RLF: variants seen among roughly 807,000 people sequenced by gnomAD.
RLF encodes the protein RLF zinc finger.
RLF carries 7 observed loss-of-function variants against 162.9 expected under a neutral mutation model. The ratio of observed to expected loss-of-function variants is 0.04; its 90% CI spans 0.02 to 0.08. The LOEUF (loss-of-function observed/expected upper bound fraction) is 0.08. RLF is among the 10% of genes least tolerant of loss of function. RLF has a pLI of 1.00. For missense variants in RLF, 1,664 were observed against 2,244.7 expected, an observed-to-expected ratio of 0.74 and a Z score of 5.23; for synonymous variants, 782 against 791.5, an observed-to-expected ratio of 0.99 and a Z score of 0.20.
chr1:40,223,671 TTC>T (rs1286984582), intron 6 of RLF, among the ~76,000 whole-genome samples: 1 of 152,244 alleles, frequency 6.6e-6, no homozygotes, highest in African/African-American at 2.4e-5. Flanking sequence ...GTTACTATAT[TTC>T]TTTTTGTTTA....
intron 6 of RLF, 130 bp downstream of exon 6, chr1:40,222,840 A>G: frequency 1.5e-6 from 1 of 671,484 alleles, no homozygotes; most frequent in Non-Finnish European, 2.4e-6. Context: ...GCTTCCACAC[A>G]CAATCATTTA....
At chr1:40,195,123 C>G (rs1343289957) in intron 3 of RLF, among the ~76,000 whole-genome samples, 1 of 151,788 alleles carries the variant, frequency 6.6e-6, no homozygotes, top group East Asian at 2.0e-4. Context: ...GCATGAGCCA[C>G]TGTGCCTGGC....
Position 40,238,769 on chromosome 1 carries a change from T to C in RLF, c.4067T>C (p.Val1356Ala), listed in dbSNP as rs780156028. 2 of 1,612,956 alleles carry C rather than the reference T, an allele frequency of 1.2e-6. No homozygotes were observed. The highest frequency in any genetic ancestry group is 1.7e-5 in the Admixed American group (1 of 59,736). The change falls in exon 8 of 8, where the codon GTC becomes GCC. Residue 1356 changes from valine (V) to alanine (A), a missense_variant. Val to Ala is a moderately conservative substitution (Grantham distance 64). This residue lies in a region of RLF where 200 missense variants were observed against 207.3 expected (regional missense o/e 0.96). Transcript: ENST00000372771. This position sits in a 1 kb window ranked among gnomAD's most constrained non-coding sequence, Gnocchi z 5.2. Reference sequence around the variant, plus strand: ...AAAGCAAGAACCAAAAGGGAACTTGTCAAATGTAAAAAGATATTTGCTTGC... The same window carrying C: ...AAAGCAAGAACCAAAAGGGAACTTGCCAAATGTAAAAAGATATTTGCTTGC... ...KDKARTKRELVKCKKIFACKY... is the reference protein window; with the variant it reads ...KDKARTKRELAKCKKIFACKY...
intron 4 of RLF, among the ~76,000 whole-genome samples, chr1:40,198,598 G>A (rs1193567452): frequency 6.6e-6 from 1 of 152,158 alleles, no homozygotes; most frequent in Non-Finnish European, 1.5e-5. Flanking sequence ...ACTGTGCCCG[G>A]CAGAGCTGTT....
intron 6 of RLF, 36 bp downstream of exon 6, chr1:40,222,746 G>C: frequency 6.4e-7 from 1 of 1,570,856 alleles, no homozygotes; most frequent in Non-Finnish European, 8.7e-7. Context: ...TTATTTGTTA[G>C]TACATAGTAT....
At chr1:40,168,040 A>C (rs1642189913) in intron 1 of RLF, among the ~76,000 whole-genome samples, 1 of 148,256 alleles carries the variant, frequency 6.7e-6, no homozygotes. Flanking sequence ...GGGCAACTCT[A>C]CAAAAAAAAA....
chr1:40,178,454 G>A (rs1337972663), intron 1 of RLF, among the ~76,000 whole-genome samples: 2 of 152,106 alleles, frequency 1.3e-5, no homozygotes, highest in African/African-American at 4.8e-5. Context: ...TTTGTAAGAT[G>A]ACAGGAGTTC....
chr1:40,237,532 A>G lies in RLF; in HGVS notation c.2830A>G (p.Ser944Gly), dbSNP rs200840245. ...GPSSLKEKCS[S>G]MAVCFDGTKF... ...CTCCAGTTTAAAAGAAAAATGTTCC[A>G]GTATGGCAGTTTGTTTTGACGGGAC... The change falls in exon 8 of 8, where the codon AGT (serine) becomes GGT (glycine). Residue 944 changes from serine (S) to glycine (G), a missense_variant. By Grantham distance (56) the Ser-to-Gly change is moderately conservative. Transcript: ENST00000372771. This position sits in a 1 kb window ranked among gnomAD's most constrained non-coding sequence, Gnocchi z 4.4. 8 of 1,614,176 alleles carry G rather than the reference A, an allele frequency of 5.0e-6. No homozygotes were observed. The East Asian group carries it at 1.8e-4, about 36-fold the overall frequency.
In RLF at chr1:40,236,741, G is replaced by T. The variant is rs750145493; in HGVS notation, c.2039G>T (p.Arg680Leu). 14 of 1,613,952 alleles carry T rather than the reference G, an allele frequency of 8.7e-6. No individual in the cohort carries two copies. Among genetic ancestry groups the T allele is most frequent in the Non-Finnish European group, 1.2e-5 (14 of 1,179,920 alleles). ...LYPCPGTDCS[R>L]VFKQFKYLSV... The stretch of plus-strand genomic sequence containing the variant: ...CCATGTCCCGGTACAGACTGTTCCC[G>T]TGTGTTTAAGCAATTTAAATACTTA... Residue 680 changes from arginine to leucine, a missense_variant, in exon 8 of 8, where the codon CGT becomes CTT. By Grantham distance (102) the Arg-to-Leu change is moderately radical. This residue lies in a region of RLF where 69 missense variants were observed against 206.4 expected (regional missense o/e 0.33). Transcript: ENST00000372771. This position sits in a 1 kb window ranked among gnomAD's most constrained non-coding sequence, Gnocchi z 7.7.
intron 2 of RLF, among the ~76,000 whole-genome samples, chr1:40,189,655 C>T (rs1178744139): frequency 1.3e-5 from 2 of 152,048 alleles, no homozygotes; most frequent in Non-Finnish European, 1.5e-5. Context: ...TGATTTAGCG[C>T]GGGCATGGTG....
intron 5 of RLF, among the ~76,000 whole-genome samples, chr1:40,209,119 G>C (rs1204691802): frequency 3.3e-5 from 5 of 152,150 alleles, no homozygotes. Context: ...AGAAAAGATG[G>C]GAGGGGACTT....
Position 40,240,659 on chromosome 1 carries a change from G to T in RLF, c.*212G>T. The T allele has an allele frequency of 2.0e-6, 1 of 500,308 alleles. No individual in the cohort carries two copies. The highest frequency in any genetic ancestry group is 3.6e-6 in the Non-Finnish European group (1 of 281,042). The allele number at this position is 500,308 out of a possible 1,614,324, so 31.0% of individuals were successfully genotyped here. ...TGATTGGGTTTATTTTTGTTTGTTT[G>T]TTTATTAAAAAAATGGAACTGTACA... On this transcript the variant is annotated 3_prime_UTR_variant, in exon 8 of 8. Coordinates refer to ENST00000372771, the MANE Select transcript of RLF (RefSeq NM_012421.4).
chr1:40,198,055 GT>G lies in RLF; in HGVS notation c.607+2292del, dbSNP rs540720096. ...TTTCGCTCTTATTACTCAGGCTGGA[GT>G]GCAATGGTGTGATCTCAGCTCACTG... is the stretch of plus-strand genomic sequence containing the variant. On this transcript the variant is annotated intron_variant, in intron 4 of 7. Transcript: ENST00000372771. Among the ~76,000 whole-genome samples the G allele has an allele frequency of 3.6e-3, 544 of 152,182 alleles. 8 individuals carry two copies. The highest frequency in any genetic ancestry group is 0.012 in the African/African-American group (513 of 41,524).
chr1:40,175,862 A>G (rs1353714520), intron 1 of RLF, among the ~76,000 whole-genome samples: 7 of 151,236 alleles, frequency 4.6e-5, no homozygotes, highest in Admixed American at 1.3e-4. Flanking sequence ...GATTATGATT[A>G]TATCCATCAT....
chr1:40,184,305 A>G (rs1278255319), intron 1 of RLF, among the ~76,000 whole-genome samples: 2 of 152,202 alleles, frequency 1.3e-5, no homozygotes, highest in Non-Finnish European at 2.9e-5. Context: ...ACAGAACTAG[A>G]GGTTATTTAG....
intron 1 of RLF, among the ~76,000 whole-genome samples, chr1:40,178,811 A>T (rs568351768): frequency 3.3e-5 from 5 of 151,552 alleles, no homozygotes; most frequent in Non-Finnish European, 5.9e-5. Context: ...GGCATGAGCC[A>T]CTGGTATCCC....
In RLF at chr1:40,239,896, A is replaced by C. The variant is rs1169364373; in HGVS notation, c.5194A>C (p.Ser1732Arg). The C allele has an allele frequency of 3.7e-6, 6 of 1,613,814 alleles. No homozygotes were observed. Among genetic ancestry groups the C allele is most frequent in the East Asian group, 4.5e-5 (2 of 44,888 alleles). Residue 1732 changes from serine (S) to arginine (R), a missense_variant, in exon 8 of 8, where the codon AGT (serine) becomes CGT (arginine). Ser to Arg is a moderately radical substitution (Grantham distance 110). This residue lies in a region of RLF where 327 missense variants were observed against 342.7 expected (regional missense o/e 0.95). Coordinates refer to ENST00000372771, the MANE Select transcript of RLF (RefSeq NM_012421.4). ...CAAAGAATCAGAAACTAGGCAGCAT[A>C]GTTCAGGGCAAGAAAACACTGTAAA... ...RIKESETRQHSSGQENTVKNP... is the reference protein window; with the variant it reads ...RIKESETRQHRSGQENTVKNP...
chr1:40,204,409 G>A (rs1261728967), intron 5 of RLF, among the ~76,000 whole-genome samples: 3 of 151,716 alleles, frequency 2.0e-5, no homozygotes, highest in African/African-American at 7.3e-5. Flanking sequence ...CACTCATGGG[G>A]CCAAATTTAC....
chr1:40,215,092 GAAGA>G lies in RLF; in HGVS notation c.811-7476_811-7473del, dbSNP rs142618353. Among the ~76,000 whole-genome samples the G allele has an allele frequency of 5.4e-3, 815 of 152,238 alleles. 8 individuals are homozygous for G. The highest frequency in any genetic ancestry group is 0.01 in the Middle Eastern group (3 of 294). Reference sequence around the variant, plus strand: ...GGTCAGCATCAAATTTGAATTACCAGAAGAAAGAATCAGCAAACTTGTCCAGTCT... The same window carrying G: ...GGTCAGCATCAAATTTGAATTACCAGAAGAATCAGCAAACTTGTCCAGTCT... On this transcript the variant is annotated intron_variant, in intron 5 of 7. Transcript: ENST00000372771.
Sources: gnomAD v4.1 joint callset for allele counts (sites outside exome capture counted in the v4.1 genomes callset) on GRCh38, gnomAD v4.1.1 for gene constraint, gnomAD v4.1.1 regional missense constraint, Gnocchi (gnomAD v3.1) non-coding constraint, MANE v1.5 for transcripts, NCBI Gene and HGNC (gene_info 2026-07-23, HGNC 2026-07-21) for gene names.